CHRM3: variants seen among roughly 807,000 people sequenced by gnomAD.
CHRM3 encodes the protein cholinergic receptor muscarinic 3.
In CHRM3, 11 loss-of-function variants were observed where a neutral mutation model predicts 41.8. The ratio of observed to expected loss-of-function variants is 0.26; its 90% CI spans 0.17 to 0.44. The LOEUF (loss-of-function observed/expected upper bound fraction) is 0.44. CHRM3 is among the 20% of genes least tolerant of loss of function. The pLI is 1.00. For missense variants in CHRM3, 571 were observed against 745.4 expected, an observed-to-expected ratio of 0.77 and a Z score of 2.72; for synonymous variants, 297 against 301.4, an observed-to-expected ratio of 0.99 and a Z score of 0.15.
At chr1:239,746,143 A>G (rs1665330267) in intron 5 of CHRM3, among the ~76,000 whole-genome samples, 1 of 152,240 alleles carries the variant, frequency 6.6e-6, no homozygotes, top group Non-Finnish European at 1.5e-5. Flanking sequence ...TTAGCATTTC[A>G]TTGTGGAAAA....
chr1:239,890,898 A>G (rs571607535), intron 6 of CHRM3, among the ~76,000 whole-genome samples: 2 of 152,306 alleles, frequency 1.3e-5, no homozygotes, highest in East Asian at 3.9e-4. Flanking sequence ...TATCATCAGT[A>G]AGATCCAACT....
At chr1:239,713,518 C>G (rs1284184109) in intron 5 of CHRM3, among the ~76,000 whole-genome samples, 2 of 152,186 alleles carry the variant, frequency 1.3e-5, no homozygotes, top group Non-Finnish European at 2.9e-5. Context: ...CAACTGTAAT[C>G]TTATTCTGTT....
intron 1 of CHRM3, among the ~76,000 whole-genome samples, chr1:239,491,903 T>C (rs1316693335): frequency 6.6e-6 from 1 of 152,218 alleles, no homozygotes; most frequent in Non-Finnish European, 1.5e-5. Flanking sequence ...CTCAGAGTAG[T>C]TGTTGTGAAG....
intron 6 of CHRM3, among the ~76,000 whole-genome samples, chr1:239,875,811 G>A (rs1677064508): frequency 6.6e-6 from 1 of 152,190 alleles, no homozygotes; most frequent in South Asian, 2.1e-4. Context: ...AATGTTTCCT[G>A]TGGTCTCTCC....
In CHRM3 at chr1:239,475,367, A is replaced by G. The variant is rs555132635; in HGVS notation, c.-520-17342A>G. Among the ~76,000 whole-genome samples, 49 of 152,294 alleles carry G rather than the reference A, an allele frequency of 3.2e-4. 1 individual carries two copies. In the Middle Eastern group the frequency reaches 0.01, roughly 32 times the overall value. On this transcript the variant is annotated intron_variant, in intron 1 of 6. Transcript: ENST00000676153. Reference sequence around the variant, plus strand: ...TATGGTGTGATGAAGAGGACATTTTACCTATAGGATTGTCATCCTCAAAAT... The same window carrying G: ...TATGGTGTGATGAAGAGGACATTTTGCCTATAGGATTGTCATCCTCAAAAT...
intron 6 of CHRM3, among the ~76,000 whole-genome samples, chr1:239,901,845 T>C (rs1679601255): frequency 6.6e-6 from 1 of 152,224 alleles, no homozygotes; most frequent in South Asian, 2.1e-4. Flanking sequence ...TACATACGAA[T>C]GCAATAATTT....
At chr1:239,903,086 C>T (rs776003868) in intron 6 of CHRM3, among the ~76,000 whole-genome samples, 4 of 152,172 alleles carry the variant, frequency 2.6e-5, no homozygotes, top group Admixed American at 6.5e-5. Flanking sequence ...GAGAGCTAAA[C>T]TCACCTATAG....
chr1:239,392,094 C>T (rs368740764), intron 1 of CHRM3, among the ~76,000 whole-genome samples: 114 of 152,314 alleles, frequency 7.5e-4, no homozygotes, highest in African/African-American at 2.6e-3. Context: ...TTAGCTATGA[C>T]CTTGGCAGTC....
intron 5 of CHRM3, among the ~76,000 whole-genome samples, chr1:239,693,036 C>T (rs1020869178): frequency 2.6e-5 from 4 of 152,266 alleles, no homozygotes; most frequent in Non-Finnish European, 4.4e-5. Flanking sequence ...GAAACCAGAT[C>T]ACGTGCAGTG....
At chr1:239,843,153 C>A (rs1442951664) in intron 6 of CHRM3, among the ~76,000 whole-genome samples, 2 of 152,098 alleles carry the variant, frequency 1.3e-5, no homozygotes, top group African/African-American at 4.8e-5. Context: ...CAAACAAGGG[C>A]CATCCTTTGG....
At chr1:239,544,496 GA>G (rs1231032902) in intron 2 of CHRM3, among the ~76,000 whole-genome samples, 3 of 151,996 alleles carry the variant, frequency 2.0e-5, no homozygotes, top group Non-Finnish European at 4.4e-5. Context: ...GAATATATTT[GA>G]ACTTCATTCA....
chr1:239,411,492 C>T (rs927388088), intron 1 of CHRM3, among the ~76,000 whole-genome samples: 10 of 151,712 alleles, frequency 6.6e-5, no homozygotes, highest in Non-Finnish European at 8.8e-5. Flanking sequence ...TTTGGGAGGC[C>T]GAGGTGGGTG....
intron 1 of CHRM3, among the ~76,000 whole-genome samples, chr1:239,475,974 C>G (rs1460491800): frequency 6.6e-6 from 1 of 152,080 alleles, no homozygotes; most frequent in Non-Finnish European, 1.5e-5. Flanking sequence ...AATAGTCTTC[C>G]TTTAAAAATG....
intron 6 of CHRM3, among the ~76,000 whole-genome samples, chr1:239,859,822 TA>T (rs1558186169): frequency 8.6e-4 from 28 of 32,658 alleles, no homozygotes; most frequent in African/African-American, 7.3e-4. Context: ...AAGTGTTTTA[TA>T]TATATATATA....
chr1:239,900,351 A>G (rs1679425199), intron 6 of CHRM3, among the ~76,000 whole-genome samples: 1 of 147,970 alleles, frequency 6.8e-6, no homozygotes, highest in Non-Finnish European at 1.5e-5. Context: ...GGTGACTCTC[A>G]TTTCTAATAA....
At chr1:239,727,408 A>T (rs1439882431) in intron 5 of CHRM3, among the ~76,000 whole-genome samples, 1 of 151,942 alleles carries the variant, frequency 6.6e-6, no homozygotes, top group Admixed American at 6.6e-5. Flanking sequence ...CTTTTTTGGT[A>T]GCACCAATTG....
intron 5 of CHRM3, among the ~76,000 whole-genome samples, chr1:239,698,031 C>A (rs530596947): frequency 6.6e-6 from 1 of 152,288 alleles, no homozygotes; most frequent in Non-Finnish European, 1.5e-5. Context: ...TTTCATGTCT[C>A]TGGCTTTATG....
intron 1 of CHRM3, among the ~76,000 whole-genome samples, chr1:239,409,052 A>G (rs1660868692): frequency 6.6e-6 from 1 of 152,118 alleles, no homozygotes; most frequent in Non-Finnish European, 1.5e-5. Context: ...ATTCTGTCAG[A>G]TTTTTCACAT....
intron 6 of CHRM3, among the ~76,000 whole-genome samples, chr1:239,839,577 C>A (rs945846704): frequency 6.6e-6 from 1 of 152,178 alleles, no homozygotes; most frequent in African/African-American, 2.4e-5. Context: ...GGGTCAGAGA[C>A]AAATGTTTGT....
Sources: gnomAD v4.1 joint callset for allele counts (sites outside exome capture counted in the v4.1 genomes callset) on GRCh38, gnomAD v4.1.1 for gene constraint, MANE v1.5 for transcripts, NCBI Gene and HGNC (gene_info 2026-07-23, HGNC 2026-07-21) for gene names.